The following PTPRM variants were observed in gnomAD, a reference collection of about 807,000 sequenced individuals.
PTPRM encodes receptor-type tyrosine-protein phosphatase mu.
PTPRM carries 47 observed loss-of-function variants against 186.7 expected under a neutral mutation model. The ratio of observed to expected loss-of-function variants is 0.25; its 90% CI spans 0.20 to 0.32. PTPRM has a LOEUF of 0.32. PTPRM is among the 10% of genes least tolerant of loss of function. The pLI, the probability that PTPRM is intolerant of heterozygous loss-of-function variation, is 1.00. For synonymous variants in PTPRM, 668 were observed against 674.9 expected (o/e 0.99, Z 0.16); for missense variants, 1,494 against 1,865.0 (o/e 0.80, Z 3.66).
At chr18:8,046,470 A>G (rs2087064889) in intron 7 of PTPRM, among the ~76,000 whole-genome samples, 1 of 151,976 alleles carries the variant, frequency 6.6e-6, no homozygotes. Flanking sequence ...TCTTGCATCT[A>G]TTTTCTATCT....
intron 2 of PTPRM, among the ~76,000 whole-genome samples, chr18:7,867,598 T>C (rs956314525): frequency 3.3e-5 from 5 of 152,218 alleles, no homozygotes; most frequent in African/African-American, 1.2e-4. Context: ...CCTTTGTGGG[T>C]AACCCGACCT....
At chr18:8,363,617 C>A (rs1292075436) in intron 23 of PTPRM, among the ~76,000 whole-genome samples, 1 of 152,168 alleles carries the variant, frequency 6.6e-6, no homozygotes, top group Non-Finnish European at 1.5e-5. Context: ...GGTGGCAAAT[C>A]TCCCTCCCCT....
chr18:8,118,831 T>TATAG (rs1340325635), intron 13 of PTPRM, among the ~76,000 whole-genome samples: 3 of 146,964 alleles, frequency 2.0e-5, no homozygotes, highest in Non-Finnish European at 4.5e-5. Flanking sequence ...TATATATATA[T>TATAG]ATGAGATTTA....
rs190944316 is a variant in PTPRM, at chr18:7,781,375, A to G, written c.196+7104A>G. ...CAGATATTTAGATGCAGCAGTGCCT[A>G]TTTTTTTGAGTCAAGATTTTTTAAG... On this transcript the variant is annotated intron_variant, in intron 2 of 32. Coordinates refer to ENST00000580170, the MANE Select transcript of PTPRM (RefSeq NM_001105244.2). Among the ~76,000 whole-genome samples, 44 of 152,312 alleles carry G rather than the reference A, an allele frequency of 2.9e-4. No individual in the cohort carries two copies. The East Asian group carries it at 8.1e-3, about 28-fold the overall frequency.
intron 4 of PTPRM, among the ~76,000 whole-genome samples, chr18:7,914,615 C>T (rs980127476): frequency 3.3e-5 from 5 of 151,536 alleles, no homozygotes; most frequent in African/African-American, 9.7e-5. Context: ...TTAATGTTAA[C>T]TATTATTATT....
intron 1 of PTPRM, among the ~76,000 whole-genome samples, chr18:7,676,170 G>A (rs144798713): frequency 0.01 from 1,583 of 152,270 alleles, 28 homozygotes; most frequent in African/African-American, 0.036. Flanking sequence ...GCCCAGGGAA[G>A]CAAAGACATT....
intron 14 of PTPRM, among the ~76,000 whole-genome samples, chr18:8,170,870 C>T (rs1419920757): frequency 6.6e-6 from 1 of 152,194 alleles, no homozygotes; most frequent in African/African-American, 2.4e-5. Flanking sequence ...TATAGACTGA[C>T]CACTGATTGT....
At chr18:8,146,025 CTTTTTTTTTT>C (rs33980345) in intron 14 of PTPRM, among the ~76,000 whole-genome samples, 2 of 109,882 alleles carry the variant, frequency 1.8e-5, no homozygotes, top group Non-Finnish European at 3.8e-5. Flanking sequence ...TCTTTCTTTT[CTTTTTTTTTT>C]TTTTTTTTGA....
chr18:8,258,017 G>A (rs2094590800), intron 19 of PTPRM, among the ~76,000 whole-genome samples: 1 of 152,126 alleles, frequency 6.6e-6, no homozygotes, highest in African/African-American at 2.4e-5. Flanking sequence ...TAGTCATATG[G>A]CACCTCTCAC....
intron 29 of PTPRM, among the ~76,000 whole-genome samples, chr18:8,382,888 A>C (rs1387236217): frequency 6.6e-6 from 1 of 152,172 alleles, no homozygotes; most frequent in Admixed American, 6.5e-5. Context: ...ATTCTGCATA[A>C]AATTAGGTGA....
chr18:7,934,864 T>C (rs575883711), intron 5 of PTPRM, among the ~76,000 whole-genome samples: 27 of 152,330 alleles, frequency 1.8e-4, no homozygotes, highest in Non-Finnish European at 1.5e-5. Flanking sequence ...GAAAAAGACA[T>C]AGATAGTTCC....
intron 1 of PTPRM, among the ~76,000 whole-genome samples, chr18:7,660,161 A>G (rs1165257577): frequency 6.6e-6 from 1 of 152,116 alleles, no homozygotes; most frequent in African/African-American, 2.4e-5. Context: ...ACATGACAAA[A>G]GCCCATCTCT....
intron 1 of PTPRM, among the ~76,000 whole-genome samples, chr18:7,716,671 G>T (rs555601203): frequency 6.6e-6 from 1 of 152,120 alleles, no homozygotes; most frequent in South Asian, 2.1e-4. Context: ...GTGGGAAAAA[G>T]ATTTGAACAG....
chr18:7,701,417 G>A (rs2039963812), intron 1 of PTPRM, among the ~76,000 whole-genome samples: 1 of 151,452 alleles, frequency 6.6e-6, no homozygotes, highest in Non-Finnish European at 1.5e-5. Context: ...TGGCCAACGT[G>A]GTGAAACCCC....
chr18:7,988,204 C>G (rs1048607718), intron 7 of PTPRM, among the ~76,000 whole-genome samples: 5 of 151,640 alleles, frequency 3.3e-5, no homozygotes, highest in African/African-American at 1.2e-4. Context: ...ATTTCAAATT[C>G]TGAGCTAGAC....
chr18:8,320,283 G>A (rs1273481710), intron 22 of PTPRM, among the ~76,000 whole-genome samples: 1 of 152,170 alleles, frequency 6.6e-6, no homozygotes, highest in Non-Finnish European at 1.5e-5. Flanking sequence ...GTCCAGGCTT[G>A]GACGAAGGGC....
chr18:8,300,219 G>A (rs780484710), intron 20 of PTPRM, among the ~76,000 whole-genome samples: 6 of 152,128 alleles, frequency 3.9e-5, no homozygotes, highest in Admixed American at 2.0e-4. Flanking sequence ...GTGGACGAGT[G>A]GCAGACTAAT....
At chr18:7,623,303 G>A (rs2037984683) in intron 1 of PTPRM, among the ~76,000 whole-genome samples, 1 of 151,910 alleles carries the variant, frequency 6.6e-6, no homozygotes. Context: ...TATTGTTATT[G>A]TAGGAAAAAC....
chr18:8,149,787 G>A (rs931037417), intron 14 of PTPRM, among the ~76,000 whole-genome samples: 1 of 152,126 alleles, frequency 6.6e-6, no homozygotes, highest in Non-Finnish European at 1.5e-5. Context: ...GGCTGGTACC[G>A]GTTGTTCCTT....
Sources: gnomAD v4.1 joint callset for allele counts (sites outside exome capture counted in the v4.1 genomes callset) on GRCh38, gnomAD v4.1.1 for gene constraint, MANE v1.5 for transcripts, NCBI Gene and HGNC (gene_info 2026-07-23, HGNC 2026-07-21) for gene names.